The following EIF5A variants were observed in gnomAD, a reference collection of about 807,000 sequenced individuals.
EIF5A encodes eukaryotic translation initiation factor 5A-1.
Under a neutral mutation model 16.6 loss-of-function variants are expected in EIF5A, and 1 was observed. The ratio of observed to expected loss-of-function variants is 0.06; its 90% CI spans 0.02 to 0.28. EIF5A has a LOEUF of 0.28. EIF5A is among the 10% of genes least tolerant of loss of function. EIF5A has a pLI of 1.00. For synonymous variants in EIF5A, 80 were observed against 73.6 expected (o/e 1.09, Z -0.44); for missense variants, 29 against 196.1 (o/e 0.15, Z 5.09).
At chr17:7,308,296 C>T (rs2072693950) in intron 1 of EIF5A, 6 of 1,136,370 alleles carry the variant, frequency 5.3e-6, no homozygotes, top group Admixed American at 4.3e-5. Flanking sequence ...AAGCGTGGAC[C>T]GGGGCCGCAT....
intron 4 of EIF5A, 47 bp downstream of exon 4, chr17:7,311,528 G>A (rs182952654): frequency 4.8e-5 from 77 of 1,614,088 alleles, no homozygotes; most frequent in Admixed American, 1.0e-4. Flanking sequence ...TGTTCTGTAC[G>A]TTTCTTCCTG....
At chr17:7,310,972 C>T (rs377440415) in intron 2 of EIF5A, 46 bp from the exon 3 acceptor site, 26 of 1,570,558 alleles carry the variant, frequency 1.7e-5, no homozygotes, top group East Asian at 2.3e-5. Flanking sequence ...TTATTTCCTC[C>T]GTTTTAGAGT....
intron 4 of EIF5A, 48 bp from the exon 5 acceptor site, chr17:7,311,530 T>G: frequency 6.2e-7 from 1 of 1,614,112 alleles, no homozygotes; most frequent in Non-Finnish European, 8.5e-7. Flanking sequence ...TTCTGTACGT[T>G]TCTTCCTGAG....
intron 2 of EIF5A, chr17:7,310,002 T>C (rs1419454183): frequency 1.2e-5 from 19 of 1,524,904 alleles, no homozygotes; most frequent in East Asian, 5.0e-5. Context: ...GTTACCCTTC[T>C]GTCCCCGCAT....
rs1271750905 is a variant in EIF5A, at chr17:7,311,134, G to C, written c.270+12G>C. On this transcript the variant is annotated intron_variant, in intron 3 of 5. Coordinates refer to ENST00000336458, the MANE Select transcript of EIF5A (RefSeq NM_001970.5). ...GGAATGACTTCCAGGTATGTAGATG[G>C]TCTGGATGAGGATGGGTTAGCGGTT... 2 of 1,613,032 alleles carry C rather than the reference G, an allele frequency of 1.2e-6. No homozygotes were observed. The highest frequency in any genetic ancestry group is 1.7e-6 in the Non-Finnish European group (2 of 1,179,452).
chr17:7,308,235 C>T (rs1352089330), intron 1 of EIF5A: 29 of 1,021,102 alleles, frequency 2.8e-5, no homozygotes, highest in Non-Finnish European at 3.3e-5. Flanking sequence ...GCCGCGGCAC[C>T]GGAAGTGCCC....
chr17:7,308,638 A>G (rs2072712709), intron 1 of EIF5A: 4 of 1,324,910 alleles, frequency 3.0e-6, no homozygotes, highest in Non-Finnish European at 4.0e-6. Flanking sequence ...TTTGGACAGG[A>G]GCCCAACTTT....
intron 2 of EIF5A, chr17:7,310,254 T>C (rs2072778232): frequency 1.6e-6 from 2 of 1,289,606 alleles, no homozygotes; most frequent in South Asian, 2.5e-5. Flanking sequence ...TGCTGCTTCG[T>C]TCCCCAGTTC....
chr17:7,309,820 A>G lies in EIF5A; in HGVS notation c.165+20A>G. 2 of 1,614,184 alleles carry G rather than the reference A, an allele frequency of 1.2e-6. No individual in the cohort carries two copies. Among genetic ancestry groups the G allele is most frequent in the Non-Finnish European group, 1.7e-6 (2 of 1,180,034 alleles). On this transcript the variant is annotated intron_variant, in intron 2 of 5. Transcript: ENST00000336458. ...GCCAAGGTTAGAATTTCACCTCCGC[A>G]TCTTGCCTTCCCCATGCCTCCAGTA...
upstream of EIF5A, chr17:7,307,541 C>T: frequency 1.0e-6 from 1 of 973,434 alleles, no homozygotes; most frequent in Non-Finnish European, 1.2e-6. Context: ...TTGCGCAGTG[C>T]GGGGGTGGAG....
At chr17:7,309,487 A>G (rs2072749203) in intron 1 of EIF5A, 128 bp from the exon 2 acceptor site, 1 of 1,275,246 alleles carries the variant, frequency 7.8e-7, no homozygotes, top group African/African-American at 1.5e-5. Flanking sequence ...AAGTTCAGGA[A>G]CTTTGACTTT....
chr17:7,307,819 G>C (rs1468971960), intron 1 of EIF5A, 67 bp downstream of exon 1: 4 of 988,040 alleles, frequency 4.0e-6, no homozygotes, highest in Non-Finnish European at 4.8e-6. Context: ...GGAACTGCGC[G>C]GGGGTCGGGG....
rs142399692 is a variant in EIF5A at position 7,312,458 on chromosome 17, C to G, written c.*648C>G. 7.9e-4 allele frequency: 273 copies of G among 347,704 alleles called. No individual in the cohort carries two copies. Among genetic ancestry groups the G allele is most frequent in the African/African-American group, 5.4e-3 (253 of 47,234 alleles). The allele number at this position is 347,704 out of a possible 1,614,324, so 21.5% of individuals were successfully genotyped here. A position where few individuals can be genotyped will look rare whatever the true frequency, so the allele number is the denominator to read the frequency against. On this transcript the variant is annotated 3_prime_UTR_variant, in exon 6 of 6. Transcript: ENST00000336458. ...TAAAACTACAAGTTTAATATGAAGC[C>G]CCCAACTCAGCTGCTTATTTGAATT...
intron 2 of EIF5A, chr17:7,310,061 A>C (rs1015506430): frequency 1.4e-6 from 2 of 1,463,552 alleles, no homozygotes; most frequent in African/African-American, 2.8e-5. Flanking sequence ...CAATCTCTTC[A>C]ATTCATAGGC....
intron 1 of EIF5A, chr17:7,307,986 G>T (rs376270020): frequency 1.4e-5 from 14 of 985,168 alleles, no homozygotes; most frequent in Middle Eastern, 5.2e-4. Flanking sequence ...GGGACGGCGA[G>T]CCGCGAGGCA....
Position 7,311,622 on chromosome 17 carries a change from C to A in EIF5A, c.447C>A (p.Ile149=), listed in dbSNP as rs907335862. 14 of 1,614,198 alleles carry A rather than the reference C, an allele frequency of 8.7e-6. No homozygotes were observed. The highest frequency in any genetic ancestry group is 1.2e-5 in the Non-Finnish European group (14 of 1,180,034). ...TGACAGAGGAGGCAGCTGTTGCAAT[C>A]AAGGCCATGGCAAAATAACTGGCTC... ...SAMTEEAAVA[I]KAMAK The change falls in exon 5 of 6, where the codon ATC becomes ATA. Residue 149 remains isoleucine, a synonymous_variant. Coordinates refer to ENST00000336458, the MANE Select transcript of EIF5A (RefSeq NM_001970.5).
chr17:7,310,916 C>A, intron 2 of EIF5A, 102 bp from the exon 3 acceptor site: 1 of 1,468,594 alleles, frequency 6.8e-7, no homozygotes, highest in Non-Finnish European at 9.1e-7. Flanking sequence ...TTTGCCCCAA[C>A]AATGTAATTC....
chr17:7,309,847 C>G, intron 2 of EIF5A, 47 bp downstream of exon 2: 1 of 1,614,106 alleles, frequency 6.2e-7, no homozygotes, highest in Non-Finnish European at 8.5e-7. Context: ...CCTCCAGTAT[C>G]TTTGGCGCTC....
intron 4 of EIF5A, 26 bp from the exon 5 acceptor site, chr17:7,311,552 C>CT: frequency 6.2e-7 from 1 of 1,614,208 alleles, no homozygotes; most frequent in Non-Finnish European, 8.5e-7. Flanking sequence ...TCAGACATCT[C>CT]TTGGCTATCC....
Sources: allele counts gnomAD v4.1 joint callset, GRCh38; gene constraint gnomAD v4.1.1; transcripts MANE v1.5; gene names NCBI Gene and HGNC (gene_info 2026-07-23, HGNC 2026-07-21).